The following RTN1 variants were observed in gnomAD, a reference collection of about 807,000 sequenced individuals.
RTN1 encodes reticulon 1.
A neutral mutation model predicts 65.5 loss-of-function variants in RTN1; 25 were observed. The ratio of observed to expected loss-of-function variants is 0.38; its 90% CI spans 0.28 to 0.53. RTN1 has a LOEUF of 0.53. Among genes scored for constraint, RTN1 ranks in the 20% least tolerant of loss-of-function variants. The pLI is 0.79. For missense variants in RTN1, 983 were observed against 1,025.4 expected (o/e 0.96, Z 0.57); for synonymous variants, 471 against 447.6 (o/e 1.05, Z -0.66).
intron 3 of RTN1, among the ~76,000 whole-genome samples, chr14:59,661,815 G>A (rs145387651): frequency 3.9e-4 from 59 of 152,244 alleles, no homozygotes; most frequent in Middle Eastern, 3.4e-3. Context: ...GCAAAATCCC[G>A]AAGCATTCCC....
chr14:59,698,483 G>A (rs1884109863), intron 3 of RTN1, among the ~76,000 whole-genome samples: 1 of 152,116 alleles, frequency 6.6e-6, no homozygotes, highest in African/African-American at 2.4e-5. Flanking sequence ...TGTTGTGGGA[G>A]GGACATGGTG....
intron 3 of RTN1, among the ~76,000 whole-genome samples, chr14:59,634,547 G>A (rs913972570): frequency 1.3e-5 from 2 of 152,162 alleles, no homozygotes; most frequent in Non-Finnish European, 2.9e-5. Context: ...AGATCCCTAT[G>A]AGTTAGTGTT....
intron 3 of RTN1, among the ~76,000 whole-genome samples, chr14:59,644,229 T>A (rs1882842199): frequency 1.3e-5 from 2 of 152,136 alleles, no homozygotes; most frequent in South Asian, 4.2e-4. Flanking sequence ...TCCAGGTACA[T>A]GTATTAGGAT....
At chr14:59,618,157 G>C (rs1171546785) in intron 3 of RTN1, among the ~76,000 whole-genome samples, 1 of 152,210 alleles carries the variant, frequency 6.6e-6, no homozygotes, top group Non-Finnish European at 1.5e-5. Context: ...GACAGTAACA[G>C]CCCTTTCCCA....
chr14:59,630,206 A>G (rs1306493316), intron 3 of RTN1, among the ~76,000 whole-genome samples: 1 of 145,342 alleles, frequency 6.9e-6, no homozygotes, highest in Non-Finnish European at 1.5e-5. Context: ...TATTTAAAAT[A>G]CCAGCATTAC....
At chr14:59,700,549 T>TTG (rs1884156660) in intron 3 of RTN1, among the ~76,000 whole-genome samples, 1 of 152,164 alleles carries the variant, frequency 6.6e-6, no homozygotes, top group South Asian at 2.1e-4. Context: ...ACAAAATTAA[T>TTG]TGTCTAGAAA....
At position 59,603,939 on chromosome 14, in the gene RTN1, T is replaced by A; in HGVS notation, c.2113-18A>T. 1 of 1,605,598 alleles carries A rather than the reference T, an allele frequency of 6.2e-7. No individual in the cohort carries two copies. Among genetic ancestry groups the A allele is most frequent in the Non-Finnish European group, 8.5e-7 (1 of 1,173,448 alleles). ...ACTGCAAACTGAAGAACGAAAGCAT[T>A]ATTAGAGCTCCTAAAACCCTTCCTG... On this transcript the variant is annotated intron_variant, in intron 5 of 8. Coordinates refer to ENST00000267484, the MANE Select transcript of RTN1 (RefSeq NM_021136.3).
At chr14:59,671,030 C>A (rs189235410) in intron 3 of RTN1, among the ~76,000 whole-genome samples, 2 of 152,154 alleles carry the variant, frequency 1.3e-5, no homozygotes, top group African/African-American at 4.8e-5. Flanking sequence ...ATCCATCACT[C>A]CATCCTGTTG....
At chr14:59,696,479 T>C (rs898816103) in intron 3 of RTN1, among the ~76,000 whole-genome samples, 21 of 152,266 alleles carry the variant, frequency 1.4e-4, no homozygotes, top group Admixed American at 3.3e-4. Context: ...TTTTTTTTTT[T>C]TTTCATTTTT....
intron 1 of RTN1, among the ~76,000 whole-genome samples, chr14:59,867,934 T>C (rs1228698106): frequency 6.6e-6 from 1 of 152,224 alleles, no homozygotes; most frequent in African/African-American, 2.4e-5. Context: ...AAATCTACCT[T>C]GATCTTAGAT....
intron 3 of RTN1, among the ~76,000 whole-genome samples, chr14:59,670,921 T>C (rs540804232): frequency 6.6e-6 from 1 of 152,304 alleles, no homozygotes; most frequent in African/African-American, 2.4e-5. Flanking sequence ...TATGAGTAAA[T>C]TGGGAAAGGT....
chr14:59,689,639 T>C (rs1219849934), intron 3 of RTN1, among the ~76,000 whole-genome samples: 1 of 152,174 alleles, frequency 6.6e-6, no homozygotes. Flanking sequence ...CCAGGAAAGA[T>C]GGGGAGCCTA....
At chr14:59,786,823 T>C (rs954050402) in intron 1 of RTN1, among the ~76,000 whole-genome samples, 15 of 152,280 alleles carry the variant, frequency 9.9e-5, no homozygotes, top group Admixed American at 9.2e-4. Flanking sequence ...AGAAAAAATA[T>C]TGGCTTGCCT....
chr14:59,722,745 G>A (rs1884671855), intron 3 of RTN1, among the ~76,000 whole-genome samples: 1 of 150,392 alleles, frequency 6.6e-6, no homozygotes, highest in Non-Finnish European at 1.5e-5. Context: ...ACAAAGGCCT[G>A]TAGTGACGTG....
chr14:59,623,351 C>T (rs1483199883), intron 3 of RTN1, among the ~76,000 whole-genome samples: 1 of 152,192 alleles, frequency 6.6e-6, no homozygotes, highest in East Asian at 1.9e-4. Context: ...CCTTGGTCAC[C>T]ATGGTGGGGT....
rs1056850342 is a variant in RTN1 at position 59,747,375 on chromosome 14, C to T, written c.242-894G>A. ...CTGTAATTCCAGCACTTTGGGAGGC[C>T]GAGGCAGGCGGATCTCCTGAGGTCG... On this transcript the variant is annotated intron_variant, in intron 1 of 8. Transcript: ENST00000267484. 2.0e-5 allele frequency among the ~76,000 whole-genome samples: 3 copies of T among 152,276 alleles called. 1 individual carries two copies. The highest frequency in any genetic ancestry group is 2.1e-4 in the South Asian group (1 of 4,818).
At chr14:59,625,364 C>A (rs2145043) in intron 3 of RTN1, among the ~76,000 whole-genome samples, 43,201 of 151,926 alleles carry the variant, frequency 0.28, 6,740 homozygotes, top group East Asian at 0.47. Context: ...CAGAGTGTCC[C>A]TCTGTAGGGT....
At chr14:59,677,909 C>T (rs1449147211) in intron 3 of RTN1, among the ~76,000 whole-genome samples, 3 of 152,176 alleles carry the variant, frequency 2.0e-5, no homozygotes, top group Non-Finnish European at 2.9e-5. Context: ...CCACATGGCC[C>T]ATTTCTGTCT....
intron 1 of RTN1, among the ~76,000 whole-genome samples, chr14:59,842,272 A>T (rs1887328508): frequency 6.6e-6 from 1 of 152,236 alleles, no homozygotes; most frequent in South Asian, 2.1e-4. Flanking sequence ...ATCTAATAAA[A>T]AAACTAGAAT....
Sources: gnomAD v4.1 joint callset for allele counts (sites outside exome capture counted in the v4.1 genomes callset) on GRCh38, gnomAD v4.1.1 for gene constraint, MANE v1.5 for transcripts, NCBI Gene and HGNC (gene_info 2026-07-23, HGNC 2026-07-21) for gene names.